The following LY9 variants were observed in gnomAD, a reference collection of about 807,000 sequenced individuals.
LY9 encodes lymphocyte antigen 9.
LY9 carries 59 observed loss-of-function variants against 64.6 expected under a neutral mutation model. The observed-to-expected ratio is 0.91, with a 90% CI of 0.74 to 1.13. The LOEUF (loss-of-function observed/expected upper bound fraction) is 1.13. Among genes scored for constraint, LY9 ranks in the 50% most tolerant of loss-of-function variants. LY9 has a pLI of 0.00. For synonymous variants in LY9, 281 were observed against 308.5 expected, an observed-to-expected ratio of 0.91 and a Z score of 0.93; for missense variants, 789 against 797.2, an observed-to-expected ratio of 0.99 and a Z score of 0.12.
intron 4 of LY9, 22 bp downstream of exon 4, chr1:160,814,783 C>A (rs777801191): frequency 6.3e-6 from 10 of 1,585,926 alleles, no homozygotes; most frequent in Non-Finnish European, 8.6e-6. Context: ...GGCAGGGCAC[C>A]CATCACCAGA....
In LY9 at chr1:160,821,150, C is replaced by T. The variant is rs201752675; in HGVS notation, c.1498+1776C>T. Among the ~76,000 whole-genome samples the T allele has an allele frequency of 8.5e-3, 26 of 3,062 alleles. 1 individual carries two copies. The highest frequency in any genetic ancestry group is 0.017 in the South Asian group (1 of 58). The allele number at this position is 3,062 out of a possible 152,430, so 2.0% of individuals were successfully genotyped here. A position where few individuals can be genotyped will look rare whatever the true frequency, so the allele number is the denominator to read the frequency against. On this transcript the variant is annotated intron_variant, in intron 7 of 9. Transcript: ENST00000263285. ...CCTGGGCAAAAAAAGTGAAACTTTG[C>T]TAAAAAAAAAAAAAAAAAACCATAT...
At chr1:160,796,909 CT>C (rs1380753941) in intron 1 of LY9, among the ~76,000 whole-genome samples, 1 of 152,180 alleles carries the variant, frequency 6.6e-6, no homozygotes, top group Non-Finnish European at 1.5e-5. Flanking sequence ...GGAAAATCCC[CT>C]GATGAGAAGC....
chr1:160,820,939 G>A (rs1162873097), intron 7 of LY9, among the ~76,000 whole-genome samples: 1 of 150,170 alleles, frequency 6.7e-6, no homozygotes, highest in Non-Finnish European at 1.5e-5. Context: ...GATCACCTGA[G>A]GTCAGGAATT....
chr1:160,800,253 T>G, intron 2 of LY9, 171 bp downstream of exon 2: 1 of 590,728 alleles, frequency 1.7e-6, no homozygotes, highest in Non-Finnish European at 3.0e-6. Context: ...ATAGTCACCC[T>G]ACTCTGCTAT....
chr1:160,796,362 C>T (rs1337544394), intron 1 of LY9, 51 bp downstream of exon 1: 3 of 1,569,294 alleles, frequency 1.9e-6, no homozygotes, highest in Non-Finnish European at 2.6e-6. Flanking sequence ...TCTTCTGAGG[C>T]CAGTTGCATT....
chr1:160,818,178 G>A (rs1231819285), intron 5 of LY9, 40 bp from the exon 6 acceptor site: 1 of 1,345,610 alleles, frequency 7.4e-7, no homozygotes, highest in Non-Finnish European at 1.1e-6. Flanking sequence ...AGTGTGTCTT[G>A]TCATTATTTG....
At chr1:160,821,170 C>A (rs951581512) in intron 7 of LY9, among the ~76,000 whole-genome samples, 148 of 37,310 alleles carry the variant, frequency 4.0e-3, no homozygotes, top group East Asian at 0.015. Flanking sequence ...AAAAAAAAAA[C>A]CATATATTCA....
chr1:160,816,906 G>T, intron 5 of LY9, 43 bp downstream of exon 5: 1 of 1,601,530 alleles, frequency 6.2e-7, no homozygotes, highest in Non-Finnish European at 8.5e-7. Flanking sequence ...GGACCTTGGG[G>T]CCTCCAAGAG....
intron 2 of LY9, among the ~76,000 whole-genome samples, chr1:160,805,741 TCA>T (rs60721619): frequency 0.089 from 12,470 of 140,490 alleles, 621 homozygotes; most frequent in African/African-American, 0.14. Context: ...TCTCTCTGTC[TCA>T]CACACACACA....
chr1:160,827,256 G>A (rs527715076), intron 9 of LY9, among the ~76,000 whole-genome samples: 9 of 152,246 alleles, frequency 5.9e-5, no homozygotes, highest in African/African-American at 1.9e-4. Flanking sequence ...CCGCTCCTCT[G>A]GGTCAGCACA....
At chr1:160,797,366 G>C in intron 1 of LY9, 1 of 817,326 alleles carries the variant, frequency 1.2e-6, no homozygotes, top group Non-Finnish European at 1.5e-6. Context: ...ATGGGTGAAC[G>C]AGGAGCCTAG....
At chr1:160,801,931 C>A in intron 2 of LY9, 2 of 1,612,224 alleles carry the variant, frequency 1.2e-6, no homozygotes, top group South Asian at 1.1e-5. Flanking sequence ...CTCGCCCCCA[C>A]CTGCCACTGG....
chr1:160,796,502 C>A (rs1035004915), intron 1 of LY9, among the ~76,000 whole-genome samples, 191 bp downstream of exon 1: 4 of 152,142 alleles, frequency 2.6e-5, no homozygotes, highest in Non-Finnish European at 5.9e-5. Context: ...AAGCGATTCT[C>A]CTACCTCAGC....
chr1:160,809,378 A>T (rs1667285983), intron 2 of LY9, among the ~76,000 whole-genome samples: 1 of 150,708 alleles, frequency 6.6e-6, no homozygotes, highest in South Asian at 2.1e-4. Context: ...TACTATTACC[A>T]GTATTTCATA....
At chr1:160,796,868 ATG>A (rs746554452) in intron 1 of LY9, among the ~76,000 whole-genome samples, 367 of 151,808 alleles carry the variant, frequency 2.4e-3, no homozygotes, top group Middle Eastern at 3.4e-3. Flanking sequence ...TGTTCCCTGT[ATG>A]GTGTGGATAA....
intron 2 of LY9, among the ~76,000 whole-genome samples, chr1:160,808,677 T>C (rs1558091079): frequency 6.6e-6 from 1 of 152,226 alleles, no homozygotes; most frequent in African/African-American, 2.4e-5. Context: ...GCTTTTAGTG[T>C]TTCCTGTCAC....
intron 2 of LY9, chr1:160,802,080 C>A: frequency 7.2e-7 from 1 of 1,387,344 alleles, no homozygotes; most frequent in Middle Eastern, 2.7e-4. Flanking sequence ...CCACCCGCCG[C>A]CTCCCATGGC....
rs2101795469 is a variant in LY9, at chr1:160,813,126, C to A, written c.455-510C>A. The A allele has an allele frequency of 1.8e-5, 3 of 168,062 alleles. No homozygotes were observed. In the South Asian group the frequency reaches 4.3e-4, roughly 24 times the overall value. The allele number at this position is 168,062 out of a possible 1,614,324, so 10.4% of individuals were successfully genotyped here. A position where few individuals can be genotyped will look rare whatever the true frequency, so the allele number is the denominator to read the frequency against. ...TTAATGAAACATTCACACATGTGCA[C>A]ATACATGGTGAGCAGTGGAGATGGA... On this transcript the variant is annotated intron_variant, in intron 2 of 9. Transcript: ENST00000263285.
At chr1:160,799,507 A>G (rs1296861738) in intron 1 of LY9, 8 of 452,798 alleles carry the variant, frequency 1.8e-5, no homozygotes. Context: ...TAATTCCTCT[A>G]CTGGAACAGA....
Sources: allele counts gnomAD v4.1 joint callset (sites outside exome capture counted in the v4.1 genomes callset), GRCh38; gene constraint gnomAD v4.1.1; transcripts MANE v1.5; gene names NCBI Gene and HGNC (gene_info 2026-07-23, HGNC 2026-07-21).